ANO4: variants seen among roughly 807,000 people sequenced by gnomAD.
ANO4 encodes anoctamin 4.
Under a neutral mutation model 141.9 loss-of-function variants are expected in ANO4, and 69 were observed. The observed-to-expected ratio is 0.49, with a 90% confidence interval of 0.40 to 0.59. ANO4 has a LOEUF of 0.59. Among genes scored for constraint, ANO4 ranks in the 20% least tolerant of loss-of-function variants. ANO4 has a pLI of 0.00. For missense variants in ANO4, 894 were observed against 1,162.2 expected (o/e 0.77, Z 3.36); for synonymous variants, 350 against 394.3 (o/e 0.89, Z 1.33).
In ANO4 at chr12:100,954,003, G is replaced by A. The variant is rs1592824175; in HGVS notation, c.456+11468G>A. On this transcript the variant is annotated intron_variant, in intron 5 of 27. Coordinates refer to ENST00000392977, the MANE Select transcript of ANO4 (RefSeq NM_001286615.2). Reference sequence around the variant, plus strand: ...CGAGCAGTGTTGGGATTTTGGAGAGGCCCGACCTAGTTGCAAACACCTCCC... The same window carrying A: ...CGAGCAGTGTTGGGATTTTGGAGAGACCCGACCTAGTTGCAAACACCTCCC... Among the ~76,000 whole-genome samples, 7 of 152,180 alleles carry A rather than the reference G, an allele frequency of 4.6e-5. 1 individual carries two copies. Among genetic ancestry groups the A allele is most frequent in the Admixed American group, 4.6e-4 (7 of 15,280 alleles).
chr12:101,065,377 A>G (rs1442868093), intron 14 of ANO4, among the ~76,000 whole-genome samples: 1 of 152,140 alleles, frequency 6.6e-6, no homozygotes, highest in African/African-American at 2.4e-5. Context: ...AATTTCATTG[A>G]TTATTAAGAG....
intron 3 of ANO4, among the ~76,000 whole-genome samples, chr12:100,762,266 G>A (rs1217011067): frequency 1.3e-5 from 2 of 152,292 alleles, no homozygotes; most frequent in East Asian, 3.9e-4. Flanking sequence ...ATATGGAGGT[G>A]AAAATACCAC....
At chr12:100,819,758 T>A (rs916853433) in intron 1 of ANO4, among the ~76,000 whole-genome samples, 16 of 151,966 alleles carry the variant, frequency 1.1e-4, no homozygotes, top group Non-Finnish European at 1.6e-4. Context: ...AAAATTTTTT[T>A]TAAAAAACTG....
intron 11 of ANO4, among the ~76,000 whole-genome samples, 172 bp from the exon 12 acceptor site, chr12:101,042,162 A>G (rs2047433707): frequency 6.6e-6 from 1 of 152,196 alleles, no homozygotes; most frequent in African/African-American, 2.4e-5. Flanking sequence ...GTAGTAGTAG[A>G]AGAAATGTAA....
chr12:100,948,302 C>A (rs1386802578), intron 5 of ANO4, among the ~76,000 whole-genome samples: 1 of 151,886 alleles, frequency 6.6e-6, no homozygotes, highest in African/African-American at 2.4e-5. Flanking sequence ...CCTCTAGTAG[C>A]CATAGACTTG....
chr12:100,985,110 CCT>C (rs1442584251), intron 7 of ANO4, among the ~76,000 whole-genome samples: 1 of 152,146 alleles, frequency 6.6e-6, no homozygotes, highest in East Asian at 1.9e-4. Flanking sequence ...GGGCCAATGG[CCT>C]CTTTCTTGAA....
intron 9 of ANO4, among the ~76,000 whole-genome samples, chr12:101,034,066 G>A (rs992804000): frequency 1.3e-5 from 2 of 152,178 alleles, no homozygotes; most frequent in Non-Finnish European, 2.9e-5. Context: ...CAGCCATTGT[G>A]GAAGACAGTG....
At chr12:100,784,157 A>G (rs1185651547) in intron 3 of ANO4, among the ~76,000 whole-genome samples, 1 of 152,148 alleles carries the variant, frequency 6.6e-6, no homozygotes, top group African/African-American at 2.4e-5. Context: ...TGAATGCATT[A>G]ATGAACGAAG....
intron 1 of ANO4, among the ~76,000 whole-genome samples, chr12:100,844,482 G>T (rs1218386344): frequency 6.6e-6 from 1 of 152,092 alleles, no homozygotes. Context: ...AGGAGAAAAA[G>T]GGTGGTGGAT....
intron 3 of ANO4, among the ~76,000 whole-genome samples, chr12:100,780,843 C>T (rs886402821): frequency 5.9e-5 from 9 of 152,026 alleles, no homozygotes; most frequent in Admixed American, 4.6e-4. Flanking sequence ...TGTGCCCAGC[C>T]GCAATTTAAA....
At chr12:100,971,217 C>G (rs577446230) in intron 5 of ANO4, 89 bp from the exon 6 acceptor site, 1 of 852,610 alleles carries the variant, frequency 1.2e-6, no homozygotes, top group East Asian at 2.6e-5. Context: ...TAAACTCTGT[C>G]CAGGTCCATG....
chr12:101,058,526 C>T (rs2048220957), intron 14 of ANO4, among the ~76,000 whole-genome samples: 1 of 152,296 alleles, frequency 6.6e-6, no homozygotes, highest in East Asian at 1.9e-4. Flanking sequence ...TTTGTGTCCT[C>T]TCTCATTTCC....
chr12:100,986,747 G>T lies in ANO4; in HGVS notation c.603-792G>T, dbSNP rs144984036. Among the ~76,000 whole-genome samples, 546 of 152,232 alleles carry T rather than the reference G, an allele frequency of 3.6e-3. 3 individuals carry two copies. The highest frequency in any genetic ancestry group is 0.013 in the African/African-American group (527 of 41,546). On this transcript the variant is annotated intron_variant, in intron 7 of 27. Coordinates refer to ENST00000392977, the MANE Select transcript of ANO4 (RefSeq NM_001286615.2). ...TTTTAAAGTTTGGTGTGGTTTTTGC[G>T]CCTTCTGGTGTTTTTCTGTGAACAG...
At chr12:100,941,588 C>T (rs1328197116) in intron 4 of ANO4, among the ~76,000 whole-genome samples, 1 of 152,048 alleles carries the variant, frequency 6.6e-6, no homozygotes, top group Admixed American at 6.6e-5. Context: ...ATTGTCTGTT[C>T]ATGGACATTT....
rs528227626 is a variant in ANO4 at position 100,861,252 on chromosome 12, A to C, written c.-140-40394A>C. On this transcript the variant is annotated intron_variant, in intron 1 of 27. Coordinates refer to ENST00000392977, the MANE Select transcript of ANO4 (RefSeq NM_001286615.2). Reference sequence around the variant, plus strand: ...AGACAGGAAAGTTCTCCAAGTCCCCATTCGACCAGGATGTCCAGCTGGCTT... The same window carrying C: ...AGACAGGAAAGTTCTCCAAGTCCCCCTTCGACCAGGATGTCCAGCTGGCTT... Among the ~76,000 whole-genome samples the C allele has an allele frequency of 1.1e-3, 160 of 152,290 alleles. 1 individual carries two copies. The highest frequency in any genetic ancestry group is 1.7e-3 in the Non-Finnish European group (113 of 68,020).
chr12:101,021,663 G>A (rs2046534634), intron 9 of ANO4, among the ~76,000 whole-genome samples: 2 of 152,128 alleles, frequency 1.3e-5, no homozygotes, highest in Admixed American at 1.3e-4. Context: ...CCAGCAAGAT[G>A]ACATTTAATA....
At chr12:100,891,702 GA>G (rs1305393299) in intron 1 of ANO4, among the ~76,000 whole-genome samples, 7 of 151,854 alleles carry the variant, frequency 4.6e-5, no homozygotes, top group Admixed American at 6.6e-5. Context: ...TACATTGTGG[GA>G]TAGCTAAATC....
At chr12:100,730,140 C>T (rs2031322000) in intron 1 of ANO4, among the ~76,000 whole-genome samples, 1 of 151,942 alleles carries the variant, frequency 6.6e-6, no homozygotes, top group Non-Finnish European at 1.5e-5. Context: ...AGGATAGAGC[C>T]CTAGAGAAGG....
chr12:100,924,906 G>T (rs1292599823), intron 3 of ANO4, among the ~76,000 whole-genome samples: 1 of 152,032 alleles, frequency 6.6e-6, no homozygotes, highest in Non-Finnish European at 1.5e-5. Flanking sequence ...GTAAAGACGT[G>T]TGTATCTGAT....
Sources: allele counts gnomAD v4.1 joint callset (sites outside exome capture counted in the v4.1 genomes callset), GRCh38; gene constraint gnomAD v4.1.1; transcripts MANE v1.5; gene names NCBI Gene and HGNC (gene_info 2026-07-23, HGNC 2026-07-21).